Variants in ZBTB20 observed in about 807,000 individuals in gnomAD.
The protein encoded by ZBTB20 is zinc finger and BTB domain-containing protein 20.
Under a neutral mutation model 56.9 loss-of-function variants are expected in ZBTB20, and 9 were observed. The observed-to-expected ratio is 0.16, with a 90% CI of 0.10 to 0.28. The LOEUF (loss-of-function observed/expected upper bound fraction) is 0.28. Ranked by LOEUF, ZBTB20 falls within the 10% of genes least tolerant of loss-of-function variation. The pLI is 1.00. For missense variants in ZBTB20, 655 were observed against 1,003.0 expected, an observed-to-expected ratio of 0.65 and a Z score of 4.69; for synonymous variants, 417 against 420.7, an observed-to-expected ratio of 0.99 and a Z score of 0.11.
chr3:115,038,429 A>C (rs2081014157), intron 2 of ZBTB20, among the ~76,000 whole-genome samples: 1 of 152,212 alleles, frequency 6.6e-6, no homozygotes, highest in Admixed American at 6.5e-5. Context: ...ATCTAACTAG[A>C]AAGCATAAAT....
intron 2 of ZBTB20, among the ~76,000 whole-genome samples, chr3:115,017,539 A>G (rs1560495963): frequency 6.6e-6 from 1 of 151,600 alleles, no homozygotes; most frequent in Admixed American, 6.6e-5. Flanking sequence ...GTATAAATTA[A>G]TAGTTTAAAG....
intron 1 of ZBTB20, among the ~76,000 whole-genome samples, chr3:115,119,789 G>A (rs932595490): frequency 5.9e-5 from 9 of 152,044 alleles, no homozygotes; most frequent in African/African-American, 1.7e-4. Context: ...CAACCCCACT[G>A]TTCTAAAACA....
intron 4 of ZBTB20, among the ~76,000 whole-genome samples, chr3:114,813,418 C>T (rs2072697065): frequency 6.6e-6 from 1 of 152,164 alleles, no homozygotes; most frequent in Admixed American, 6.5e-5. Flanking sequence ...GATATCAACC[C>T]TGTCCCAACT....
intron 3 of ZBTB20, among the ~76,000 whole-genome samples, chr3:114,934,437 G>A (rs949353415): frequency 6.6e-6 from 1 of 152,024 alleles, no homozygotes; most frequent in Non-Finnish European, 1.5e-5. Context: ...CTGAAAATAA[G>A]CTCCTCCAAA....
intron 1 of ZBTB20, among the ~76,000 whole-genome samples, chr3:115,090,537 G>A (rs1410506926): frequency 2.0e-5 from 3 of 151,662 alleles, no homozygotes; most frequent in African/African-American, 7.3e-5. Context: ...AACATTTTAA[G>A]TCATCTACAG....
intron 10 of ZBTB20, chr3:114,378,853 C>T (rs2083975033): frequency 6.6e-6 from 1 of 152,282 alleles, no homozygotes; most frequent in Non-Finnish European, 1.5e-5. Flanking sequence ...GGACGGTCCT[C>T]AGAACACAGT....
intron 2 of ZBTB20, among the ~76,000 whole-genome samples, chr3:114,997,142 T>C (rs1407209470): frequency 6.6e-6 from 1 of 151,796 alleles, no homozygotes. Context: ...GAGGTTTAAC[T>C]TGGAAAACAG....
intron 3 of ZBTB20, among the ~76,000 whole-genome samples, chr3:114,972,830 T>C (rs2077941897): frequency 6.6e-6 from 1 of 152,000 alleles, no homozygotes; most frequent in African/African-American, 2.4e-5. Flanking sequence ...GAGGTTTCTT[T>C]AATTTCTCTC....
chr3:114,588,556 C>T (rs1383920462), intron 6 of ZBTB20, among the ~76,000 whole-genome samples: 1 of 152,082 alleles, frequency 6.6e-6, no homozygotes, highest in African/African-American at 2.4e-5. Flanking sequence ...ATAGTATTTC[C>T]AATTTTTTTT....
At chr3:114,565,345 G>A (rs756443227) in intron 6 of ZBTB20, among the ~76,000 whole-genome samples, 14 of 152,146 alleles carry the variant, frequency 9.2e-5, no homozygotes, top group African/African-American at 2.4e-4. Flanking sequence ...ATAATTACCC[G>A]ATTGTCGCAA....
intron 5 of ZBTB20, among the ~76,000 whole-genome samples, chr3:114,701,029 T>G (rs2063358906): frequency 6.6e-6 from 1 of 152,166 alleles, no homozygotes; most frequent in South Asian, 2.1e-4. Flanking sequence ...CTACAAAGGG[T>G]AGTTAATCAA....
chr3:114,518,859 A>C (rs2046326742), intron 6 of ZBTB20: 1 of 152,126 alleles, frequency 6.6e-6, no homozygotes, highest in African/African-American at 2.4e-5. Context: ...AGAAGTTCCT[A>C]CTGGCATTTA....
At chr3:114,807,968 TTGTC>T (rs2072241463) in intron 4 of ZBTB20, among the ~76,000 whole-genome samples, 1 of 152,204 alleles carries the variant, frequency 6.6e-6, no homozygotes, top group Non-Finnish European at 1.5e-5. Flanking sequence ...TGTGATGTCT[TTGTC>T]TGGCTTTGCT....
At chr3:114,827,875 G>T (rs1198414927) in intron 4 of ZBTB20, among the ~76,000 whole-genome samples, 1 of 151,564 alleles carries the variant, frequency 6.6e-6, no homozygotes, top group Non-Finnish European at 1.5e-5. Flanking sequence ...CCCTGGGCCT[G>T]GTTTTTTATT....
At chr3:114,356,936 G>A (rs1405599603) in intron 10 of ZBTB20, among the ~76,000 whole-genome samples, 1 of 152,146 alleles carries the variant, frequency 6.6e-6, no homozygotes, top group African/African-American at 2.4e-5. Context: ...GTGGCTGGGA[G>A]CACTGGAGAA....
chr3:114,756,341 G>GA (rs978657921), intron 5 of ZBTB20, among the ~76,000 whole-genome samples: 5 of 152,132 alleles, frequency 3.3e-5, no homozygotes, highest in Middle Eastern at 3.4e-3. Context: ...ATACCACCAT[G>GA]AAAAAATCCA....
intron 7 of ZBTB20, among the ~76,000 whole-genome samples, chr3:114,450,089 C>T (rs2091509914): frequency 6.6e-6 from 1 of 152,168 alleles, no homozygotes; most frequent in African/African-American, 2.4e-5. Flanking sequence ...AGAAAGGTGT[C>T]CAGGTCTAAA....
chr3:114,680,612 C>T (rs2061914700), intron 6 of ZBTB20, among the ~76,000 whole-genome samples: 2 of 152,218 alleles, frequency 1.3e-5, no homozygotes, highest in Non-Finnish European at 2.9e-5. Flanking sequence ...TTCACTCCTG[C>T]ATGTTTCACT....
chr3:114,928,192 T>C (rs2076225393), intron 3 of ZBTB20, among the ~76,000 whole-genome samples: 1 of 152,258 alleles, frequency 6.6e-6, no homozygotes, highest in Admixed American at 6.5e-5. Context: ...CTTCCACTTC[T>C]GTGTCTTCCT....
Sources: allele counts gnomAD v4.1 joint callset (sites outside exome capture counted in the v4.1 genomes callset), GRCh38; gene constraint gnomAD v4.1.1; transcripts MANE v1.5; gene names NCBI Gene and HGNC (gene_info 2026-07-23, HGNC 2026-07-21).